Variants in SH3RF3 observed in about 807,000 individuals in gnomAD.
SH3RF3 encodes SH3 domain containing ring finger 3, also known as E3 ubiquitin-protein ligase SH3RF3.
In SH3RF3, 29 loss-of-function variants were observed where a neutral mutation model predicts 66.3. That is an observed-to-expected ratio of 0.44 (90% CI 0.33 to 0.60). The LOEUF (loss-of-function observed/expected upper bound fraction) is 0.60. Ranked by LOEUF, SH3RF3 falls within the 20% of genes least tolerant of loss-of-function variation. The probability of loss-of-function intolerance (pLI) is 0.04; values close to 1 mark genes in which losing one functional copy is unlikely to be tolerated. For missense variants in SH3RF3, 1,194 were observed against 1,190.9 expected (o/e 1.00, Z -0.04); for synonymous variants, 583 against 532.0 (o/e 1.10, Z -1.32).
At chr2:109,181,643 T>A (rs961365091) in intron 1 of SH3RF3, among the ~76,000 whole-genome samples, 1 of 152,234 alleles carries the variant, frequency 6.6e-6, no homozygotes, top group Non-Finnish European at 1.5e-5. Context: ...TAGATGCCTG[T>A]TGCCGAACAC....
At chr2:109,367,484 G>A (rs1683174236) in intron 2 of SH3RF3, among the ~76,000 whole-genome samples, 1 of 151,918 alleles carries the variant, frequency 6.6e-6, no homozygotes, top group Non-Finnish European at 1.5e-5. Context: ...GTTTCACCAT[G>A]TCGGCCAGGC....
intron 3 of SH3RF3, among the ~76,000 whole-genome samples, chr2:109,372,497 T>A (rs952678017): frequency 3.9e-5 from 6 of 152,240 alleles, no homozygotes; most frequent in Non-Finnish European, 7.3e-5. Flanking sequence ...GTGCTTGTTG[T>A]GTGCCAGACA....
intron 1 of SH3RF3, among the ~76,000 whole-genome samples, chr2:109,255,811 C>T (rs1680209825): frequency 6.6e-6 from 1 of 152,216 alleles, no homozygotes; most frequent in Non-Finnish European, 1.5e-5. Context: ...GCCCTGCCGA[C>T]TGTTTGTGCT....
intron 3 of SH3RF3, among the ~76,000 whole-genome samples, chr2:109,372,841 G>C (rs985716973): frequency 6.6e-6 from 1 of 152,214 alleles, no homozygotes; most frequent in African/African-American, 2.4e-5. Flanking sequence ...AAGCCCACGG[G>C]TGACACGGCC....
chr2:109,233,660 C>T (rs778160166), intron 1 of SH3RF3, among the ~76,000 whole-genome samples: 17 of 152,230 alleles, frequency 1.1e-4, no homozygotes, highest in Non-Finnish European at 2.2e-4. Context: ...GCCTCCTGTT[C>T]GTATCACCAC....
chr2:109,144,729 G>C (rs1203002750), intron 1 of SH3RF3, among the ~76,000 whole-genome samples: 1 of 152,238 alleles, frequency 6.6e-6, no homozygotes, highest in African/African-American at 2.4e-5. Flanking sequence ...CCTCCAGCTG[G>C]TGATGCATGC....
intron 8 of SH3RF3, among the ~76,000 whole-genome samples, chr2:109,471,227 A>AG: frequency 6.6e-6 from 1 of 151,776 alleles, no homozygotes; most frequent in East Asian, 1.9e-4. Flanking sequence ...AAAAAAAAAA[A>AG]AAAAGAAATT....
At chr2:109,318,327 C>T (rs1022905981) in intron 1 of SH3RF3, among the ~76,000 whole-genome samples, 2 of 152,030 alleles carry the variant, frequency 1.3e-5, no homozygotes, top group Non-Finnish European at 1.5e-5. Context: ...TGCCTCCCGG[C>T]CCCCAGCCCG....
chr2:109,490,828 T>C lies in SH3RF3; in HGVS notation c.2372T>C (p.Leu791Pro). ...EMQGAMGMEP[L>P]HRKAGSLDLN... ...CAGGGTGCCATGGGGATGGAGCCTC[T>C]GCACAGGAAGGCAGGCTCCTTGGAT... Residue 791 changes from leucine (L) to proline (P), a missense_variant, in exon 9 of 10, where the codon CTG becomes CCG. Coordinates refer to ENST00000309415, the MANE Select transcript of SH3RF3 (RefSeq NM_001099289.3). 6.5e-7 allele frequency: 1 copy of C among 1,536,924 alleles called. No individual in the cohort carries two copies. Among genetic ancestry groups the C allele is most frequent in the Non-Finnish European group, 8.7e-7 (1 of 1,146,734 alleles).
intron 2 of SH3RF3, among the ~76,000 whole-genome samples, chr2:109,365,556 C>CT (rs369045669): frequency 1.1e-3 from 161 of 152,260 alleles, no homozygotes; most frequent in African/African-American, 3.7e-3. Context: ...CTTTCAGCTT[C>CT]TTACGTTCTA....
Position 109,288,187 on chromosome 2 carries a change from C to T in SH3RF3, c.574-59487C>T, listed in dbSNP as rs555026702. 6.6e-5 allele frequency among the ~76,000 whole-genome samples: 10 copies of T among 152,346 alleles called. No homozygotes were observed. The East Asian group carries it at 1.7e-3, about 26-fold the overall frequency. On this transcript the variant is annotated intron_variant, in intron 1 of 9. Coordinates refer to ENST00000309415, the MANE Select transcript of SH3RF3 (RefSeq NM_001099289.3). ...CTCAAACTTAGATGCGATGTGTTTGCAGCCATTCAGAATAGGTGCAAGGAT... is the reference window on the plus strand; with the variant it reads ...CTCAAACTTAGATGCGATGTGTTTGTAGCCATTCAGAATAGGTGCAAGGAT...
At chr2:109,238,453 G>T (rs1184028437) in intron 1 of SH3RF3, among the ~76,000 whole-genome samples, 1 of 9,312 alleles carries the variant, frequency 1.1e-4, no homozygotes, top group Non-Finnish European at 1.9e-4. Context: ...GTATATTTGT[G>T]TGTGTGTGTG....
chr2:109,170,327 C>G (rs1318064906), intron 1 of SH3RF3, among the ~76,000 whole-genome samples: 1 of 147,324 alleles, frequency 6.8e-6, no homozygotes, highest in Non-Finnish European at 1.5e-5. Flanking sequence ...CTCTCTCTCT[C>G]TCCTCTCTCT....
chr2:109,251,422 A>G, intron 1 of SH3RF3: 1 of 707,188 alleles, frequency 1.4e-6, no homozygotes, highest in South Asian at 1.4e-5. Context: ...AGTAGACACC[A>G]TGAGCAAAGC....
chr2:109,274,921 G>A (rs1284563978), intron 1 of SH3RF3, among the ~76,000 whole-genome samples: 1 of 151,636 alleles, frequency 6.6e-6, no homozygotes, highest in Non-Finnish European at 1.5e-5. Flanking sequence ...CATTGTGAAT[G>A]TAGTAAATGC....
chr2:109,241,215 AGTTT>A lies in SH3RF3; in HGVS notation c.574-106452_574-106449del, dbSNP rs142281173. On this transcript the variant is annotated intron_variant, in intron 1 of 9. Coordinates refer to ENST00000309415, the MANE Select transcript of SH3RF3 (RefSeq NM_001099289.3). Reference sequence around the variant, plus strand: ...CAAAACAAAAACTCTCTGAAAAAGCAGTTTGTTTGTCTCTTGACCTAACAATTCC... The same window carrying A: ...CAAAACAAAAACTCTCTGAAAAAGCAGTTTGTCTCTTGACCTAACAATTCC... Among the ~76,000 whole-genome samples the A allele has an allele frequency of 5.6e-3, 851 of 151,964 alleles. 8 individuals carry two copies. The highest frequency in any genetic ancestry group is 0.019 in the African/African-American group (790 of 41,418).
chr2:109,434,833 G>A (rs1677354945), intron 6 of SH3RF3, among the ~76,000 whole-genome samples: 1 of 152,208 alleles, frequency 6.6e-6, no homozygotes, highest in African/African-American at 2.4e-5. Flanking sequence ...TCATATACGA[G>A]GTGCTCAATA....
intron 1 of SH3RF3, among the ~76,000 whole-genome samples, chr2:109,149,422 T>C (rs1322749959): frequency 6.6e-6 from 1 of 152,228 alleles, no homozygotes; most frequent in Non-Finnish European, 1.5e-5. Flanking sequence ...TGACAGTCAT[T>C]TGCACTTCTA....
At chr2:109,335,655 C>G (rs962791308) in intron 1 of SH3RF3, among the ~76,000 whole-genome samples, 22 of 152,242 alleles carry the variant, frequency 1.4e-4, no homozygotes, top group African/African-American at 5.1e-4. Flanking sequence ...GTTGCTGTCC[C>G]CCTGGCTGGA....
Sources: gnomAD v4.1 joint callset for allele counts (sites outside exome capture counted in the v4.1 genomes callset) on GRCh38, gnomAD v4.1.1 for gene constraint, MANE v1.5 for transcripts, NCBI Gene and HGNC (gene_info 2026-07-23, HGNC 2026-07-21) for gene names.